The following CEP85L variants were observed in gnomAD, a reference collection of about 807,000 sequenced individuals.
CEP85L encodes the protein centrosomal protein of 85 kDa-like.
CEP85L carries 60 observed loss-of-function variants against 100.3 expected under a neutral mutation model. The observed-to-expected ratio is 0.60, with a 90% CI of 0.49 to 0.74. CEP85L has a LOEUF of 0.74. Ranked by LOEUF, CEP85L falls within the 30% of genes least tolerant of loss-of-function variation. The pLI is 0.00. For missense variants in CEP85L, 973 were observed against 936.2 expected (o/e 1.04, Z -0.51); for synonymous variants, 319 against 322.7 (o/e 0.99, Z 0.12).
chr6:118,610,475 G>A (rs1193734029), intron 2 of CEP85L, among the ~76,000 whole-genome samples: 1 of 152,168 alleles, frequency 6.6e-6, no homozygotes, highest in African/African-American at 2.4e-5. Context: ...GGTAGAGACT[G>A]AGGACTTTCA....
At chr6:118,496,536 G>A (rs940093418) in intron 5 of CEP85L, among the ~76,000 whole-genome samples, 2 of 151,924 alleles carry the variant, frequency 1.3e-5, no homozygotes, top group Non-Finnish European at 2.9e-5. Context: ...TGTACTTTTA[G>A]TGGAGATTGG....
intron 3 of CEP85L, among the ~76,000 whole-genome samples, chr6:118,556,703 A>T (rs571310140): frequency 2.0e-4 from 31 of 152,310 alleles, no homozygotes; most frequent in African/African-American, 7.5e-4. Flanking sequence ...TATGTTGATT[A>T]ACAATAATAT....
Position 118,584,339 on chromosome 6 carries a change from C to T in CEP85L, c.233-18023G>A, listed in dbSNP as rs976493728. 2.6e-5 allele frequency among the ~76,000 whole-genome samples: 4 copies of T among 152,192 alleles called. No homozygotes were observed. The South Asian group carries it at 8.3e-4, about 32-fold the overall frequency. ...AAGGAGGGAGTTGAGAATATTTCTT[C>T]CTTTCCCCTCCCCAAAACCCTCAAG... On this transcript the variant is annotated intron_variant, in intron 2 of 12. Coordinates refer to ENST00000368491, the MANE Select transcript of CEP85L (RefSeq NM_001042475.3).
intron 4 of CEP85L, among the ~76,000 whole-genome samples, chr6:118,516,256 G>A (rs1276576795): frequency 1.3e-5 from 2 of 152,132 alleles, no homozygotes; most frequent in Admixed American, 1.3e-4. Flanking sequence ...ATAATCCTTT[G>A]GGTATATACC....
chr6:118,481,998 T>C (rs1216605631), intron 7 of CEP85L, 65 bp from the exon 8 acceptor site: 8 of 997,064 alleles, frequency 8.0e-6, no homozygotes, highest in Non-Finnish European at 9.6e-6. Context: ...TTAGAAACTG[T>C]TACTGTGTTG....
intron 1 of CEP85L, among the ~76,000 whole-genome samples, chr6:118,644,252 T>C (rs939176661): frequency 3.5e-4 from 53 of 152,166 alleles, no homozygotes; most frequent in East Asian, 1.9e-4. Context: ...GAACACTTCA[T>C]TGTCCTGCTT....
intron 6 of CEP85L, 118 bp downstream of exon 6, chr6:118,491,568 A>C (rs1774573168): frequency 7.0e-7 from 1 of 1,434,252 alleles, no homozygotes; most frequent in Non-Finnish European, 9.1e-7. Flanking sequence ...AAAATTAATC[A>C]CCTCCACATA....
rs776305118 is a variant in CEP85L, at chr6:118,565,775, G to T, written c.774C>A (p.Ala258=). The T allele has an allele frequency of 1.9e-6, 3 of 1,614,156 alleles. No individual in the cohort carries two copies. In the South Asian group the frequency reaches 3.3e-5, roughly 18 times the overall value. The change falls in exon 3 of 13, where the codon GCC becomes GCA. Residue 258 remains alanine (A), a synonymous_variant. Transcript: ENST00000368491. ...TCATAATGGGCTTGCTTTCAGGTAA[G>T]GCACTATATGTCATGTCTACAGGCT... ...RRQPVDMTYS[A]LPESKPIMTS... is the part of the protein sequence containing the mutation.
intron 1 of CEP85L, among the ~76,000 whole-genome samples, chr6:118,704,813 A>G (rs1352862588): frequency 6.6e-6 from 1 of 152,110 alleles, no homozygotes; most frequent in African/African-American, 2.4e-5. Flanking sequence ...GCGCTGGGGC[A>G]TTTTATTCCT....
At chr6:118,480,805 A>G (rs1054316372) in intron 8 of CEP85L, among the ~76,000 whole-genome samples, 13 of 152,052 alleles carry the variant, frequency 8.5e-5, no homozygotes, top group Admixed American at 2.0e-4. Flanking sequence ...TCATTACCCA[A>G]ATCTGAGCTC....
Position 118,463,303 on chromosome 6 carries a change from T to C in CEP85L, c.*2102A>G, listed in dbSNP as rs963822885. The C allele has an allele frequency of 6.6e-6, 1 of 151,784 alleles. No individual in the cohort carries two copies. Among genetic ancestry groups the C allele is most frequent in the African/African-American group, 2.4e-5 (1 of 41,342 alleles). The allele number at this position is 151,784 out of a possible 1,614,324, so 9.4% of individuals were successfully genotyped here. ...AATCCCAAAACATACACTAAAAATCTAGGAGAGATATTTAAGTAAGAACCT... is the reference window on the plus strand; with the variant it reads ...AATCCCAAAACATACACTAAAAATCCAGGAGAGATATTTAAGTAAGAACCT... On this transcript the variant is annotated 3_prime_UTR_variant, in exon 13 of 13. Transcript: ENST00000368491.
chr6:118,472,725 AATTTT>A (rs1294294136), intron 10 of CEP85L, among the ~76,000 whole-genome samples: 3 of 152,310 alleles, frequency 2.0e-5, no homozygotes, highest in Admixed American at 6.5e-5. Flanking sequence ...TGGCCTTGTG[AATTTT>A]ACAATAACTA....
chr6:118,483,323 G>A (rs980205373), intron 7 of CEP85L, among the ~76,000 whole-genome samples: 3 of 151,926 alleles, frequency 2.0e-5, no homozygotes, highest in Non-Finnish European at 4.4e-5. Flanking sequence ...TAAAGGTTAA[G>A]AAGAATGAAG....
chr6:118,552,646 C>T (rs1177462913), intron 3 of CEP85L, among the ~76,000 whole-genome samples: 4 of 151,724 alleles, frequency 2.6e-5, no homozygotes, highest in South Asian at 2.1e-4. Context: ...AACCAGAATA[C>T]CATCTTGAAC....
At chr6:118,602,667 T>G (rs1047508572) in intron 2 of CEP85L, among the ~76,000 whole-genome samples, 2 of 152,218 alleles carry the variant, frequency 1.3e-5, no homozygotes, top group African/African-American at 4.8e-5. Flanking sequence ...AGTTTCTCAT[T>G]TTTACTAAAG....
chr6:118,630,532 C>G (rs557513444), intron 2 of CEP85L, among the ~76,000 whole-genome samples: 1 of 152,252 alleles, frequency 6.6e-6, no homozygotes, highest in Admixed American at 6.5e-5. Context: ...TGGAAACAAC[C>G]AAGATGTCCT....
At position 118,600,301 on chromosome 6, in the gene CEP85L, GTGTGTGTGT is replaced by G. The variant is rs1254069937; in HGVS notation, c.232+32143_232+32151del. Among the ~76,000 whole-genome samples the G allele has an allele frequency of 8.4e-3, 256 of 30,434 alleles. 37 individuals carry two copies. The highest frequency in any genetic ancestry group is 0.043 in the Middle Eastern group (3 of 70). The allele number at this position is 30,434 out of a possible 152,430, so 20.0% of individuals were successfully genotyped here. On this transcript the variant is annotated intron_variant, in intron 2 of 12. Coordinates refer to ENST00000368491, the MANE Select transcript of CEP85L (RefSeq NM_001042475.3). ...TGCCTGTCCCTGAGCCTTCCTGGGG[GTGTGTGTGT>G]GTGTGTGTGTGTGTGTGTGTGTGTG...
intron 2 of CEP85L, among the ~76,000 whole-genome samples, chr6:118,600,537 G>C (rs1781732805): frequency 6.6e-6 from 1 of 151,458 alleles, no homozygotes. Context: ...GGTCAGGCTG[G>C]TCTCCAACTC....
intron 5 of CEP85L, chr6:118,502,679 T>G (rs1775385309): frequency 2.2e-6 from 1 of 462,482 alleles, no homozygotes; most frequent in Admixed American, 3.3e-5. Context: ...AATGAGCATT[T>G]GAACACCTGA....
Sources: gnomAD v4.1 joint callset for allele counts (sites outside exome capture counted in the v4.1 genomes callset) on GRCh38, gnomAD v4.1.1 for gene constraint, MANE v1.5 for transcripts, NCBI Gene and HGNC (gene_info 2026-07-23, HGNC 2026-07-21) for gene names.